SETD2: variants seen among roughly 807,000 people sequenced by gnomAD.
SETD2 encodes SET domain containing 2, histone lysine methyltransferase.
Under a neutral mutation model 242.1 loss-of-function variants are expected in SETD2, and 31 were observed. The ratio of observed to expected loss-of-function variants is 0.13; its 90% CI spans 0.10 to 0.17. The LOEUF is 0.17. Among genes scored for constraint, SETD2 ranks in the 10% least tolerant of loss-of-function variants. The pLI, the probability that SETD2 is intolerant of heterozygous loss-of-function variation, is 1.00. For synonymous variants in SETD2, 1,006 were observed against 1,066.5 expected, an observed-to-expected ratio of 0.94 and a Z score of 1.11; for missense variants, 2,481 against 3,046.3, an observed-to-expected ratio of 0.81 and a Z score of 4.37.
At chr3:47,046,149 T>G (rs1490032053) in intron 16 of SETD2, among the ~76,000 whole-genome samples, 1 of 149,966 alleles carries the variant, frequency 6.7e-6, no homozygotes, top group African/African-American at 2.5e-5. Flanking sequence ...ACGAGCCTGG[T>G]CAACATGGGG....
intron 2 of SETD2, 74 bp downstream of exon 2, chr3:47,126,573 GC>G: frequency 1.3e-6 from 1 of 745,596 alleles, no homozygotes; most frequent in Non-Finnish European, 2.2e-6. Context: ...AGTGTTTTCA[GC>G]TTTTACCCAA....
Position 47,122,396 on chromosome 3 carries a change from C to T in SETD2, c.2240G>A (p.Arg747Lys), listed in dbSNP as rs2106677426. 6.2e-7 allele frequency: 1 copy of T among 1,614,098 alleles called. No individual in the cohort carries two copies. The highest frequency in any genetic ancestry group is 1.3e-5 in the African/African-American group (1 of 75,050). ...MLHKKSESPF[R>K]ETEPLVSPHQ... ...TGGTGACACCAGAGGTTCTGTTTCTCTAAATGGGCTTTCTGACTTCTTATG... is the reference window on the plus strand; with the variant it reads ...TGGTGACACCAGAGGTTCTGTTTCTTTAAATGGGCTTTCTGACTTCTTATG... Residue 747 changes from arginine (R) to lysine (K), a missense_variant, in exon 3 of 21, where the codon AGA becomes AAA. Physicochemically the swap from Arg to Lys is conservative, Grantham distance 26. Around this residue, in one of 17 missense-constraint regions of SETD2, gnomAD observed 1,300 missense variants for 1,259.2 expected, o/e 1.03. Coordinates refer to ENST00000409792, the MANE Select transcript of SETD2 (RefSeq NM_014159.7).
intron 12 of SETD2, among the ~76,000 whole-genome samples, chr3:47,075,362 C>T (rs1421795022): frequency 6.6e-6 from 1 of 151,542 alleles, no homozygotes; most frequent in Non-Finnish European, 1.5e-5. Flanking sequence ...GAGTTCGAGA[C>T]CAGCCTGACC....
intron 9 of SETD2, among the ~76,000 whole-genome samples, chr3:47,096,133 T>A (rs2041997556): frequency 6.6e-6 from 1 of 152,222 alleles, no homozygotes. Flanking sequence ...TCTATTGTTA[T>A]GGCCATAGTT....
chr3:47,105,334 C>T (rs775143017), intron 6 of SETD2, among the ~76,000 whole-genome samples: 5 of 147,488 alleles, frequency 3.4e-5, no homozygotes, highest in South Asian at 4.6e-4. Context: ...CGCTTGAACC[C>T]GGGAGGCAGA....
In SETD2 at chr3:47,126,509, A is replaced by G. The variant is rs560061637; in HGVS notation, c.87+139T>C. 5 of 494,200 alleles carry G rather than the reference A, an allele frequency of 1.0e-5. No homozygotes were observed. In the East Asian group the frequency reaches 1.5e-4, roughly 15 times the overall value. 30.6% of individuals were successfully genotyped at this position (494,200 alleles called of 1,614,324 possible). On this transcript the variant is annotated intron_variant, in intron 2 of 20. Transcript: ENST00000409792. Reference sequence around the variant, plus strand: ...GGGATAAGTTACCATGGCTCTAAAAACAAAATTAAAAACTATTACTTCATT... The same window carrying G: ...GGGATAAGTTACCATGGCTCTAAAAGCAAAATTAAAAACTATTACTTCATT...
At chr3:47,136,560 C>G (rs984588963) in intron 1 of SETD2, among the ~76,000 whole-genome samples, 1 of 152,182 alleles carries the variant, frequency 6.6e-6, no homozygotes, top group Non-Finnish European at 1.5e-5. Flanking sequence ...ACTAAATGTT[C>G]TCACTTGTAA....
chr3:47,086,533 G>A (rs1450064819), intron 10 of SETD2, among the ~76,000 whole-genome samples: 2 of 152,108 alleles, frequency 1.3e-5, no homozygotes, highest in Non-Finnish European at 2.9e-5. Flanking sequence ...AATACAGCCA[G>A]TCAACTGGGA....
Position 47,121,906 on chromosome 3 carries a change from T to A in SETD2, c.2730A>T (p.Ala910=), listed in dbSNP as rs377041426. 42 of 1,613,898 alleles carry A rather than the reference T, an allele frequency of 2.6e-5. No homozygotes were observed. Among genetic ancestry groups the A allele is most frequent in the Middle Eastern group, 3.3e-4 (2 of 6,084 alleles). The change falls in exon 3 of 21, where the codon GCA becomes GCT. Residue 910 remains alanine, a synonymous_variant. Coordinates refer to ENST00000409792, the MANE Select transcript of SETD2 (RefSeq NM_014159.7). ...CTGAACTTTTTTTACTCTTTAGCAC[T>A]GCATCCAGAACTGGAGATGTGTTCT... ...CGENTSPVLD[A]VLKSKKSSEF...
In SETD2 at chr3:47,017,401, G is replaced by T; in HGVS notation, c.7534-147C>A. 1.1e-6 allele frequency: 1 copy of T among 874,604 alleles called. No homozygotes were observed. The highest frequency in any genetic ancestry group is 1.7e-6 in the Non-Finnish European group (1 of 576,668). 54.2% of individuals were successfully genotyped at this position (874,604 alleles called of 1,614,324 possible). ...TAATAAGGGGGTAGATGTTGGGGCA[G>T]GCTGGTGCTATGATCACCAGAAAGG... is the stretch of plus-strand genomic sequence containing the variant. On this transcript the variant is annotated intron_variant, in intron 20 of 20. Transcript: ENST00000409792. This position sits in a 1 kb window ranked among gnomAD's most constrained non-coding sequence, Gnocchi z 4.8.
chr3:47,116,517 T>G, intron 4 of SETD2, 106 bp downstream of exon 4: 4 of 1,159,704 alleles, frequency 3.4e-6, no homozygotes, highest in Non-Finnish European at 4.9e-6. Flanking sequence ...CTTGTAGTCA[T>G]CCATAGGTAG....
chr3:47,163,886 C>T lies in SETD2; in HGVS notation c.39G>A (p.Gly13=). ...TCGGGTGCTCCGGGTCGTAGAAATC[C>T]CCCATCTTCGGAGGCGGCTGCGGCT... The part of the protein sequence containing the change: ...QLQPQPPPKM[G]DFYDPEHPTP... The change falls in exon 1 of 21, where the codon GGG becomes GGA. Residue 13 remains glycine, a synonymous_variant. Transcript: ENST00000409792. 4.5e-6 allele frequency: 6 copies of T among 1,319,388 alleles called. No individual in the cohort carries two copies. The highest frequency in any genetic ancestry group is 3.9e-6 in the Non-Finnish European group (4 of 1,028,242). The allele number at this position is 1,319,388 out of a possible 1,614,324, so 81.7% of individuals were successfully genotyped here.
intron 18 of SETD2, among the ~76,000 whole-genome samples, chr3:47,036,681 T>G (rs2039010438): frequency 6.6e-6 from 1 of 152,034 alleles, no homozygotes; most frequent in Non-Finnish European, 1.5e-5. Context: ...GGCAGGCAGA[T>G]CACCTGTGGT....
At chr3:47,098,945 T>A (rs1231405990) in intron 8 of SETD2, among the ~76,000 whole-genome samples, 2 of 152,132 alleles carry the variant, frequency 1.3e-5, no homozygotes, top group Admixed American at 6.5e-5. Context: ...TTTCTTTCCC[T>A]CAGAGAGGAC....
At chr3:47,037,873 C>T (rs1258771922) in intron 17 of SETD2, 96 bp from the exon 18 acceptor site, 1 of 852,644 alleles carries the variant, frequency 1.2e-6, no homozygotes, top group Non-Finnish European at 2.0e-6. Context: ...ATACAACATA[C>T]AATAAGACAT....
At chr3:47,138,310 C>A in intron 1 of SETD2, 1 of 299,798 alleles carries the variant, frequency 3.3e-6, no homozygotes, top group Non-Finnish European at 7.0e-6. Flanking sequence ...CACTCTGTCG[C>A]CCAGGCTGGA....
At chr3:47,138,793 T>C (rs1417531989) in intron 1 of SETD2, among the ~76,000 whole-genome samples, 1 of 152,030 alleles carries the variant, frequency 6.6e-6, no homozygotes, top group Non-Finnish European at 1.5e-5. Context: ...CTCAAATTCC[T>C]GGTCTCAAGT....
chr3:47,082,820 C>G (rs1301426608), intron 12 of SETD2, among the ~76,000 whole-genome samples: 1 of 152,190 alleles, frequency 6.6e-6, no homozygotes, highest in Non-Finnish European at 1.5e-5. Context: ...ATCACAGGAT[C>G]TAATGGAGTG....
At chr3:47,087,049 AAT>A (rs2041591048) in intron 10 of SETD2, among the ~76,000 whole-genome samples, 1 of 151,960 alleles carries the variant, frequency 6.6e-6, no homozygotes, top group Admixed American at 6.6e-5. Context: ...AAAAAAAAAA[AAT>A]CATTTTGTGT....
Sources: gnomAD v4.1 joint callset for allele counts (sites outside exome capture counted in the v4.1 genomes callset) on GRCh38, gnomAD v4.1.1 for gene constraint, gnomAD v4.1.1 regional missense constraint, Gnocchi (gnomAD v3.1) non-coding constraint, MANE v1.5 for transcripts, NCBI Gene and HGNC (gene_info 2026-07-23, HGNC 2026-07-21) for gene names.